FAM20A: variants seen among roughly 807,000 people sequenced by gnomAD.
FAM20A encodes pseudokinase FAM20A.
FAM20A carries 42 observed loss-of-function variants against 52.0 expected under a neutral mutation model. The ratio of observed to expected loss-of-function variants is 0.81; its 90% CI spans 0.63 to 1.04. FAM20A has a LOEUF of 1.04. Among genes scored for constraint, FAM20A ranks in the 50% least tolerant of loss-of-function variants. The pLI is 0.00. For synonymous variants in FAM20A, 304 were observed against 298.9 expected (o/e 1.02, Z -0.18); for missense variants, 742 against 712.7 (o/e 1.04, Z -0.47).
intron 4 of FAM20A, among the ~76,000 whole-genome samples, chr17:68,548,995 G>A (rs533384451): frequency 3.9e-4 from 59 of 152,140 alleles, no homozygotes; most frequent in Non-Finnish European, 8.2e-4. Context: ...GCCTCCCAAA[G>A]TGCTGGGATT....
rs143279900 is a variant in FAM20A at position 68,551,722 on chromosome 17, ATT to A, written c.719+149_719+150del. 3.3e-3 allele frequency: 1,008 copies of A among 307,202 alleles called. 14 individuals are homozygous for A. Among genetic ancestry groups the A allele is most frequent in the African/African-American group, 0.026 (899 of 35,240 alleles). 19.0% of individuals were successfully genotyped at this position (307,202 alleles called of 1,614,324 possible). On this transcript the variant is annotated intron_variant, in intron 4 of 10. Transcript: ENST00000592554. ...TATTATTATTATTATTATTATTATT[ATT>A]ATCACCCCAAACAGTTCTGTGCTTG...
chr17:68,583,481 C>T (rs1222420445), intron 1 of FAM20A, among the ~76,000 whole-genome samples: 2 of 152,170 alleles, frequency 1.3e-5, no homozygotes, highest in Non-Finnish European at 2.9e-5. Flanking sequence ...TTCTCCTCTT[C>T]CGTCTGTGTC....
At chr17:68,547,223 A>G (rs895743319) in intron 4 of FAM20A, among the ~76,000 whole-genome samples, 4 of 152,234 alleles carry the variant, frequency 2.6e-5, no homozygotes, top group Non-Finnish European at 4.4e-5. Flanking sequence ...CAGCGACATT[A>G]TCACCTAACA....
chr17:68,588,496 C>A (rs2088220008), intron 1 of FAM20A, among the ~76,000 whole-genome samples: 1 of 152,230 alleles, frequency 6.6e-6, no homozygotes, highest in Non-Finnish European at 1.5e-5. Flanking sequence ...GACTAGGTGG[C>A]TTAAACAACA....
chr17:68,594,387 A>C (rs2088394640), intron 1 of FAM20A, among the ~76,000 whole-genome samples: 1 of 148,338 alleles, frequency 6.7e-6, no homozygotes, highest in African/African-American at 2.5e-5. Context: ...CGACAGAGCG[A>C]GACTCCGTCT....
chr17:68,542,107 G>A lies in FAM20A; in HGVS notation c.987C>T (p.Val329=), dbSNP rs1451606596. Residue 329 remains valine (V), a synonymous_variant, in exon 7 of 11, where the codon GTC becomes GTT. Coordinates refer to ENST00000592554, the MANE Select transcript of FAM20A (RefSeq NM_017565.4). The stretch of plus-strand genomic sequence containing the variant: ...CCTCCAGCAGGTGTGGGTTGCCACA[G>A]ACAGCATACTCCGTCTTGCACATGT... The part of the protein sequence containing the change: ...CPYMCKTEYA[V]CGNPHLLEGS... 4.3e-6 allele frequency: 7 copies of A among 1,614,018 alleles called. No individual in the cohort carries two copies. The highest frequency in any genetic ancestry group is 5.9e-6 in the Non-Finnish European group (7 of 1,180,040).
chr17:68,598,048 A>G (rs535956660), intron 1 of FAM20A: 3 of 146,708 alleles, frequency 2.0e-5, no homozygotes, highest in African/African-American at 7.6e-5. Flanking sequence ...CTGTCACCTA[A>G]GCTGGAGTGC....
intron 9 of FAM20A, 140 bp downstream of exon 9, chr17:68,539,745 A>T: frequency 1.3e-6 from 1 of 782,534 alleles, no homozygotes. Flanking sequence ...AAGGAAATGG[A>T]AGAAGCCGGG....
chr17:68,571,987 CATATATATATATATATATAT>C (rs57442973), intron 1 of FAM20A, among the ~76,000 whole-genome samples: 1,191 of 43,748 alleles, frequency 0.027, 57 homozygotes, highest in Admixed American at 0.12. Context: ...TATATACATA[CATATATATATATATATATAT>C]ATATATATAT....
rs993619030 is a variant in FAM20A, at chr17:68,601,055, GCGACCGCGGAGGGCGGACGGAGGC to G, written c.-413_-390del. On this transcript the variant is annotated 5_prime_UTR_variant, in exon 1 of 11. Transcript: ENST00000592554. ...GGGCGGACGGGCGACGGGGCGGGGG[GCGACCGCGGAGGGCGGACGGAGGC>G]CGCCGGCTGCAAAGCCCGGGGCGTC... 26 of 151,368 alleles carry G rather than the reference GCGACCGCGGAGGGCGGACGGAGGC, an allele frequency of 1.7e-4. No individual in the cohort carries two copies. In the East Asian group the frequency reaches 4.9e-3, roughly 28 times the overall value. The allele number at this position is 151,368 out of a possible 1,614,324, so 9.4% of individuals were successfully genotyped here.
At chr17:68,555,420 G>A in intron 2 of FAM20A, 139 bp downstream of exon 2, 1 of 956,232 alleles carries the variant, frequency 1.0e-6, no homozygotes, top group South Asian at 1.3e-5. Context: ...GAGGGAAAAA[G>A]ATCAATGCAT....
Position 68,537,620 on chromosome 17 carries a change from G to GGTGGGGTT in FAM20A, c.1475_1482dup (p.Leu495AsnfsTer15). 1 of 1,613,836 alleles carries GGTGGGGTT rather than the reference G, an allele frequency of 6.2e-7. No individual in the cohort carries two copies. On this transcript the variant is annotated frameshift_variant, in exon 11 of 11. Coordinates refer to ENST00000592554, the MANE Select transcript of FAM20A (RefSeq NM_017565.4). LOFTEE classifies it low-confidence loss of function (END_TRUNC). This position sits in a 1 kb window ranked among gnomAD's most constrained non-coding sequence, Gnocchi z 4.2. ...TGGAGCCTTCGATCCAGGGCAAGGA[G>GGTGGGGTT]GTGGGGTTCAGTGAGGACAGGGCTG...
chr17:68,596,464 T>C (rs1467715552), intron 1 of FAM20A, among the ~76,000 whole-genome samples: 1 of 152,204 alleles, frequency 6.6e-6, no homozygotes, highest in African/African-American at 2.4e-5. Flanking sequence ...GCTGATCAGT[T>C]TGACACGTCA....
intron 4 of FAM20A, among the ~76,000 whole-genome samples, 185 bp downstream of exon 4, chr17:68,551,688 A>AATTATTATTATTATTATT (rs34824326): frequency 7.4e-5 from 10 of 134,852 alleles, no homozygotes; most frequent in South Asian, 2.4e-4. Flanking sequence ...TAGTATTTTC[A>AATTATTATTATTATTATT]ATTATTATTA....
chr17:68,541,929 A>G (rs1480232698), intron 7 of FAM20A, 56 bp downstream of exon 7: 2 of 1,564,730 alleles, frequency 1.3e-6, no homozygotes, highest in African/African-American at 2.7e-5. Flanking sequence ...AGTCCCTGGT[A>G]CAGGGTCTGT....
chr17:68,566,613 G>T (rs2087384845), intron 1 of FAM20A, among the ~76,000 whole-genome samples: 1 of 152,180 alleles, frequency 6.6e-6, no homozygotes, highest in Non-Finnish European at 1.5e-5. Flanking sequence ...CGTTAGTCAG[G>T]ATTAGACACT....
intron 1 of FAM20A, among the ~76,000 whole-genome samples, chr17:68,556,722 G>A (rs1273744026): frequency 1.3e-5 from 2 of 152,072 alleles, no homozygotes; most frequent in Non-Finnish European, 2.9e-5. Flanking sequence ...ATGAGAAGAC[G>A]GAGGCCTCTG....
At chr17:68,553,786 G>A (rs1453662146) in intron 3 of FAM20A, among the ~76,000 whole-genome samples, 3 of 142,250 alleles carry the variant, frequency 2.1e-5, no homozygotes, top group Non-Finnish European at 4.6e-5. Flanking sequence ...ATATATACAT[G>A]TATACACATA....
rs2086065105 is a variant in FAM20A at position 68,535,123 on chromosome 17, CA to C, written c.*2353del. 2.7e-6 allele frequency: 1 copy of C among 368,642 alleles called. No homozygotes were observed. The highest frequency in any genetic ancestry group is 2.1e-5 in the African/African-American group (1 of 46,992). The allele number at this position is 368,642 out of a possible 1,614,324, so 22.8% of individuals were successfully genotyped here. A position where few individuals can be genotyped will look rare whatever the true frequency, so the allele number is the denominator to read the frequency against. Reference sequence around the variant, plus strand: ...TAGTAACTTGAAAAGTTCTCAGAGTCAAGAGACTTTTTATTTCATGGGAGGT... The same window carrying C: ...TAGTAACTTGAAAAGTTCTCAGAGTCAGAGACTTTTTATTTCATGGGAGGT... On this transcript the variant is annotated 3_prime_UTR_variant, in exon 11 of 11. Transcript: ENST00000592554.
Sources: allele counts gnomAD v4.1 joint callset (sites outside exome capture counted in the v4.1 genomes callset), GRCh38; gene constraint gnomAD v4.1.1; non-coding constraint Gnocchi (gnomAD v3.1); transcripts MANE v1.5; gene names NCBI Gene and HGNC (gene_info 2026-07-23, HGNC 2026-07-21).